ARHGAP30: variants seen among roughly 807,000 people sequenced by gnomAD.
ARHGAP30 encodes the protein Rho GTPase activating protein 30.
ARHGAP30 carries 23 observed loss-of-function variants against 72.0 expected under a neutral mutation model. That is an observed-to-expected ratio of 0.32 (90% CI 0.23 to 0.45). The LOEUF (loss-of-function observed/expected upper bound fraction) is 0.45, where lower values mean the gene tolerates loss of function less well. Ranked by LOEUF, ARHGAP30 falls within the 20% of genes least tolerant of loss-of-function variation. The probability of loss-of-function intolerance (pLI) is 1.00; values close to 1 mark genes in which losing one functional copy is unlikely to be tolerated. For missense variants in ARHGAP30, 1,319 were observed against 1,383.4 expected (o/e 0.95, Z 0.74); for synonymous variants, 576 against 528.2 (o/e 1.09, Z -1.24).
At chr1:161,064,757 AAG>A (rs200750254) in intron 1 of ARHGAP30, among the ~76,000 whole-genome samples, 6 of 141,238 alleles carry the variant, frequency 4.2e-5, no homozygotes, top group Admixed American at 7.6e-5. Context: ...ACAAGAAAGA[AAG>A]AGAAAGAAAG....
At chr1:161,068,445 G>A (rs1453573358) in intron 1 of ARHGAP30, among the ~76,000 whole-genome samples, 2 of 152,122 alleles carry the variant, frequency 1.3e-5, no homozygotes, top group African/African-American at 4.8e-5. Flanking sequence ...GTCTGGGGAC[G>A]CAGGGGCGGG....
Position 161,052,422 on chromosome 1 carries a change from C to A in ARHGAP30, c.940+18G>T. ...TTGTGCACCCTCAGCAGAGCTCCCC[C>A]CATCTCCCCAGACTTACCCCTGTCC... On this transcript the variant is annotated intron_variant, in intron 8 of 11. Coordinates refer to ENST00000368013, the MANE Select transcript of ARHGAP30 (RefSeq NM_001025598.2). 4 of 1,613,880 alleles carry A rather than the reference C, an allele frequency of 2.5e-6. No individual in the cohort carries two copies. Among genetic ancestry groups the A allele is most frequent in the Non-Finnish European group, 3.4e-6 (4 of 1,179,942 alleles).
chr1:161,057,375 A>T (rs576645638), intron 2 of ARHGAP30, among the ~76,000 whole-genome samples: 1 of 152,240 alleles, frequency 6.6e-6, no homozygotes, highest in Non-Finnish European at 1.5e-5. Flanking sequence ...AAAGGGGGAA[A>T]AAATGGGCAA....
At position 161,049,268 on chromosome 1, in the gene ARHGAP30, C is replaced by G. The variant is rs1651166890; in HGVS notation, c.1753G>C (p.Ala585Pro). ...GAGTCCAGGGAACAGCAGCTGGGGG[C>G]CAAGACAAACTGTGCCTCATCCAGA... Reference protein sequence around the residue: ...LSLDEAQFVLAPSCCSLDSAG... With the variant: ...LSLDEAQFVLPPSCCSLDSAG... The change falls in exon 12 of 12, where the codon GCC becomes CCC. Residue 585 changes from alanine (A) to proline (P), a missense_variant. Physicochemically the swap from Ala to Pro is conservative, Grantham distance 27. Transcript: ENST00000368013. 1 of 1,614,000 alleles carries G rather than the reference C, an allele frequency of 6.2e-7. No individual in the cohort carries two copies. The highest frequency in any genetic ancestry group is 8.5e-7 in the Non-Finnish European group (1 of 1,180,020).
At position 161,048,067 on chromosome 1, in the gene ARHGAP30, G is replaced by T. The variant is rs772859109; in HGVS notation, c.2954C>A (p.Ser985Tyr). Residue 985 changes from serine (S) to tyrosine (Y), a missense_variant, in exon 12 of 12, where the codon TCT becomes TAT. Coordinates refer to ENST00000368013, the MANE Select transcript of ARHGAP30 (RefSeq NM_001025598.2). ...PGERAWGSRA[S>Y]RSSWRNGGSL... ...ACCCCCATTCCTCCAAGAGGATCGAGAAGCTCGGGACCCCCAAGCCCTTTC... is the reference window on the plus strand; with the variant it reads ...ACCCCCATTCCTCCAAGAGGATCGATAAGCTCGGGACCCCCAAGCCCTTTC... 1.2e-6 allele frequency: 2 copies of T among 1,614,186 alleles called. No homozygotes were observed. The highest frequency in any genetic ancestry group is 1.7e-6 in the Non-Finnish European group (2 of 1,180,028).
Position 161,048,535 on chromosome 1 carries a change from C to A in ARHGAP30, c.2486G>T (p.Gly829Val). The change falls in exon 12 of 12, where the codon GGA (glycine) becomes GTA (valine). Residue 829 changes from glycine to valine, a missense_variant. By Grantham distance (109) the Gly-to-Val change is moderately radical. Coordinates refer to ENST00000368013, the MANE Select transcript of ARHGAP30 (RefSeq NM_001025598.2). ...DSRSPEAATE[G>V]GAGEVSKERE... ...TTCCTTGCTGACCTCCCCTGCTCCT[C>A]CTTCAGTTGCTGCTTCTGGGCTTCT... 6.2e-7 allele frequency: 1 copy of A among 1,614,184 alleles called. No individual in the cohort carries two copies. The highest frequency in any genetic ancestry group is 1.1e-5 in the South Asian group (1 of 91,080).
Position 161,051,377 on chromosome 1 carries a change from G to A in ARHGAP30, c.1357C>T (p.Gln453Ter). The change falls in exon 10 of 12, where the codon CAG becomes TAG. Residue 453 changes from glutamine to a stop codon, truncating the protein, a stop_gained. Coordinates refer to ENST00000368013, the MANE Select transcript of ARHGAP30 (RefSeq NM_001025598.2). LOFTEE classifies it high-confidence loss of function. ...CCAGAGGCAGGGCTTGGCCGGTGCTGTAGAGCAGGGCACTCAAGGCCACGG... is the reference window on the plus strand; with the variant it reads ...CCAGAGGCAGGGCTTGGCCGGTGCTATAGAGCAGGGCACTCAAGGCCACGG... Reference protein sequence around the residue: ...LTRGLECPALQHRPSPASGPG... With the variant: ...LTRGLECPAL The A allele has an allele frequency of 1.2e-6, 2 of 1,613,596 alleles. No homozygotes were observed. The highest frequency in any genetic ancestry group is 1.7e-6 in the Non-Finnish European group (2 of 1,179,882).
Position 161,069,494 on chromosome 1 carries a change from AC to A in ARHGAP30, c.97+33del. 1 of 1,506,872 alleles carries A rather than the reference AC, an allele frequency of 6.6e-7. No homozygotes were observed. The highest frequency in any genetic ancestry group is 9.1e-7 in the Non-Finnish European group (1 of 1,093,062). 93.3% of individuals were successfully genotyped at this position (1,506,872 alleles called of 1,614,324 possible). ...GGCTGCAGATGCCCAGTGCCTCCCC[AC>A]CCACCCTGCAGAAGCTGAGCCGGCC... On this transcript the variant is annotated intron_variant, in intron 1 of 11. Transcript: ENST00000368013. This position sits in a 1 kb window ranked among gnomAD's most constrained non-coding sequence, Gnocchi z 4.9.
Position 161,051,597 on chromosome 1 carries a change from C to A in ARHGAP30, c.1137G>T (p.Leu379=), listed in dbSNP as rs1000687253. 6.2e-7 allele frequency: 1 copy of A among 1,613,704 alleles called. No individual in the cohort carries two copies. The highest frequency in any genetic ancestry group is 8.5e-7 in the Non-Finnish European group (1 of 1,180,048). The change falls in exon 10 of 12, where the codon CTG becomes CTT. Residue 379 remains leucine (L), a synonymous_variant. Coordinates refer to ENST00000368013, the MANE Select transcript of ARHGAP30 (RefSeq NM_001025598.2). ...EGEQEPEAEA[L]GGTNSEPGTP... Reference sequence around the variant, plus strand: ...TGCCTGGTTCAGAGTTTGTGCCACCCAGTGCTTCTGCCTCAGGCTCCTGTT... The same window carrying A: ...TGCCTGGTTCAGAGTTTGTGCCACCAAGTGCTTCTGCCTCAGGCTCCTGTT...
intron 1 of ARHGAP30, among the ~76,000 whole-genome samples, chr1:161,061,814 G>A (rs537131858): frequency 2.3e-4 from 35 of 152,260 alleles, no homozygotes; most frequent in Non-Finnish European, 3.1e-4. Flanking sequence ...ATGGCCAGGC[G>A]TGGTGGCTCA....
chr1:161,058,550 C>T (rs1313014988), intron 2 of ARHGAP30, among the ~76,000 whole-genome samples: 11 of 150,718 alleles, frequency 7.3e-5, no homozygotes, highest in Non-Finnish European at 1.6e-4. Context: ...TCACTTGAAC[C>T]CAGGAGGCAG....
chr1:161,051,850 A>C lies in ARHGAP30; in HGVS notation c.1019-135T>G, dbSNP rs1045891753. ...CGATAGCCTGGAAGGCACCAGGCCC[A>C]GCTTCTTTTGATCACTACTGCAAAC... is the stretch of plus-strand genomic sequence containing the variant. On this transcript the variant is annotated intron_variant, in intron 9 of 11. Transcript: ENST00000368013. 3.8e-5 allele frequency: 54 copies of C among 1,428,356 alleles called. No individual in the cohort carries two copies. The African/African-American group carries it at 5.3e-4, about 14-fold the overall frequency. The allele number at this position is 1,428,356 out of a possible 1,614,324, so 88.5% of individuals were successfully genotyped here.
rs1345061545 is a variant in ARHGAP30, at chr1:161,069,776, G to A, written c.-152C>T. The A allele has an allele frequency of 1.6e-5, 12 of 736,880 alleles. 1 individual carries two copies. Among genetic ancestry groups the A allele is most frequent in the South Asian group, 7.2e-5 (4 of 55,944 alleles). 45.6% of individuals were successfully genotyped at this position (736,880 alleles called of 1,614,324 possible). On this transcript the variant is annotated 5_prime_UTR_variant, in exon 1 of 12. Transcript: ENST00000368013. The surrounding 1 kb of genome is among the most constrained non-coding windows in gnomAD (Gnocchi z 4.9). ...GGGGGTGGAGGGTGGCCTGGGCAACGGGCAGCAGCTCCTGCCCCTGGGGCC... is the reference window on the plus strand; with the variant it reads ...GGGGGTGGAGGGTGGCCTGGGCAACAGGCAGCAGCTCCTGCCCCTGGGGCC...
At chr1:161,057,264 C>T (rs1268023469) in intron 2 of ARHGAP30, among the ~76,000 whole-genome samples, 2 of 151,776 alleles carry the variant, frequency 1.3e-5, no homozygotes, top group African/African-American at 2.4e-5. Flanking sequence ...GAGTGATTCT[C>T]CTGCCTCAGC....
chr1:161,063,438 C>G (rs1424881552), intron 1 of ARHGAP30, among the ~76,000 whole-genome samples: 1 of 152,236 alleles, frequency 6.6e-6, no homozygotes, highest in East Asian at 1.9e-4. Context: ...ACACTTATCA[C>G]TTCCCCAATC....
At position 161,048,414 on chromosome 1, in the gene ARHGAP30, G is replaced by A; in HGVS notation, c.2607C>T (p.Ser869=). Residue 869 remains serine (S), a synonymous_variant, in exon 12 of 12, where the codon TCC becomes TCT. Coordinates refer to ENST00000368013, the MANE Select transcript of ARHGAP30 (RefSeq NM_001025598.2). ...CCTCTTTGGCACAGTCAACCTCCAG[G>A]GACGCTACACCTGAACCTTCAGAGA... is the stretch of plus-strand genomic sequence containing the variant. The part of the protein sequence containing the change: ...DTLSEGSGVA[S]LEVDCAKEGN... The A allele has an allele frequency of 1.2e-6, 2 of 1,614,038 alleles. No individual in the cohort carries two copies. Among genetic ancestry groups the A allele is most frequent in the Non-Finnish European group, 1.7e-6 (2 of 1,180,002 alleles).
chr1:161,060,562 C>T (rs1296209542), intron 1 of ARHGAP30, among the ~76,000 whole-genome samples: 1 of 138,432 alleles, frequency 7.2e-6, no homozygotes, highest in African/African-American at 2.7e-5. Context: ...CGCCACTGCA[C>T]TCTAATCTGG....
chr1:161,051,980 C>T (rs1651412676), intron 9 of ARHGAP30, among the ~76,000 whole-genome samples: 1 of 2,404 alleles, frequency 4.2e-4, no homozygotes, highest in Admixed American at 3.3e-3. Context: ...CCACCACCAC[C>T]ACCACCACCA....
At position 161,047,623 on chromosome 1, in the gene ARHGAP30, A is replaced by G; in HGVS notation, c.*92T>C. ...CAAAGCCTATAGAGTTGGGCACTAC[A>G]GCTGCTCATGCTGCAGAGGAGACAG... On this transcript the variant is annotated 3_prime_UTR_variant, in exon 12 of 12. Transcript: ENST00000368013. 1 of 1,387,890 alleles carries G rather than the reference A, an allele frequency of 7.2e-7. No individual in the cohort carries two copies. The highest frequency in any genetic ancestry group is 9.6e-7 in the Non-Finnish European group (1 of 1,037,726). 86.0% of individuals were successfully genotyped at this position (1,387,890 alleles called of 1,614,324 possible). A position where few individuals can be genotyped will look rare whatever the true frequency, so the allele number is the denominator to read the frequency against.
Sources: gnomAD v4.1 joint callset for allele counts (sites outside exome capture counted in the v4.1 genomes callset) on GRCh38, gnomAD v4.1.1 for gene constraint, Gnocchi (gnomAD v3.1) non-coding constraint, MANE v1.5 for transcripts, NCBI Gene and HGNC (gene_info 2026-07-23, HGNC 2026-07-21) for gene names.